ANO6: variants seen among roughly 807,000 people sequenced by gnomAD.
ANO6 encodes the protein anoctamin-6.
ANO6 carries 106 observed loss-of-function variants against 117.5 expected under a neutral mutation model. That is an observed-to-expected ratio of 0.90 (90% CI 0.77 to 1.06). The LOEUF (loss-of-function observed/expected upper bound fraction) is 1.06. Among genes scored for constraint, ANO6 ranks in the 50% least tolerant of loss-of-function variants. The probability of loss-of-function intolerance (pLI) is 0.00; values close to 1 mark genes in which losing one functional copy is unlikely to be tolerated. For synonymous variants in ANO6, 367 were observed against 385.1 expected (o/e 0.95, Z 0.55); for missense variants, 955 against 1,121.1 (o/e 0.85, Z 2.12).
At chr12:45,408,293 T>C (rs1421719725) in intron 15 of ANO6, among the ~76,000 whole-genome samples, 2 of 152,220 alleles carry the variant, frequency 1.3e-5, no homozygotes, top group East Asian at 1.9e-4. Flanking sequence ...GTTGTTGTTA[T>C]GCCTCTTCTG....
At chr12:45,354,865 G>T (rs1941370765) in intron 7 of ANO6, among the ~76,000 whole-genome samples, 1 of 152,214 alleles carries the variant, frequency 6.6e-6, no homozygotes, top group Non-Finnish European at 1.5e-5. Context: ...ATGTAACTAT[G>T]TCAGGATGGC....
chr12:45,409,229 T>C, intron 15 of ANO6, 128 bp from the exon 16 acceptor site: 1 of 1,254,014 alleles, frequency 8.0e-7, no homozygotes, highest in Non-Finnish European at 1.1e-6. Flanking sequence ...AAAAACAAAT[T>C]TAGCATGCAA....
At chr12:45,259,349 A>G (rs944724576) in intron 1 of ANO6, among the ~76,000 whole-genome samples, 7 of 152,242 alleles carry the variant, frequency 4.6e-5, no homozygotes, top group African/African-American at 1.7e-4. Context: ...TGTGCTTTTG[A>G]AAATTTTTCA....
At chr12:45,353,544 C>T (rs948686081) in intron 7 of ANO6, among the ~76,000 whole-genome samples, 30 of 151,958 alleles carry the variant, frequency 2.0e-4, no homozygotes, top group African/African-American at 7.0e-4. Context: ...ATTTACTATC[C>T]CCTGTCCCTG....
intron 1 of ANO6, among the ~76,000 whole-genome samples, chr12:45,243,662 G>A (rs1947779861): frequency 6.6e-6 from 1 of 152,028 alleles, no homozygotes; most frequent in South Asian, 2.1e-4. Flanking sequence ...TGATTCTCCT[G>A]CCTCAGCCTC....
chr12:45,313,251 A>G (rs1282472028), intron 2 of ANO6: 1 of 152,040 alleles, frequency 6.6e-6, no homozygotes, highest in Non-Finnish European at 1.5e-5. Flanking sequence ...GATGGACTCC[A>G]GGGAATTAGA....
chr12:45,436,596 C>T (rs1362160590), downstream of ANO6, among the ~76,000 whole-genome samples: 2 of 152,018 alleles, frequency 1.3e-5, no homozygotes, highest in African/African-American at 2.4e-5. Flanking sequence ...GAGAAATGGT[C>T]GTATTAAAAC....
intron 9 of ANO6, among the ~76,000 whole-genome samples, chr12:45,372,689 C>T (rs1050233490): frequency 2.8e-4 from 42 of 151,896 alleles, no homozygotes; most frequent in Non-Finnish European, 5.1e-4. Flanking sequence ...CCAGGCCTGC[C>T]CTAAAAGAGC....
intron 18 of ANO6, 93 bp downstream of exon 18, chr12:45,421,366 T>G: frequency 7.7e-7 from 1 of 1,293,852 alleles, no homozygotes; most frequent in Non-Finnish European, 1.1e-6. Flanking sequence ...TTTAAAATTT[T>G]TATTTCTTTA....
chr12:45,225,516 T>G (rs2137127343), intron 1 of ANO6, among the ~76,000 whole-genome samples: 2 of 150,474 alleles, frequency 1.3e-5, no homozygotes, highest in South Asian at 2.1e-4. Flanking sequence ...TGAGATGGAG[T>G]CTTACTCTTT....
intron 2 of ANO6, 136 bp downstream of exon 2, chr12:45,302,229 C>T (rs987688245): frequency 7.7e-6 from 6 of 780,832 alleles, no homozygotes; most frequent in African/African-American, 3.5e-5. Context: ...AGGGACTGTG[C>T]GTTCAGAGCT....
intron 2 of ANO6, among the ~76,000 whole-genome samples, chr12:45,312,822 G>A (rs1215973815): frequency 6.6e-6 from 1 of 151,950 alleles, no homozygotes; most frequent in Non-Finnish European, 1.5e-5. Flanking sequence ...TAATTGTAAT[G>A]GGCAAACCAA....
chr12:45,319,799 G>C (rs1940191550), intron 2 of ANO6, among the ~76,000 whole-genome samples: 1 of 152,154 alleles, frequency 6.6e-6, no homozygotes, highest in Non-Finnish European at 1.5e-5. Context: ...TTCAGATCCT[G>C]TTATTGATCT....
At chr12:45,365,021 A>G (rs1941649224) in intron 8 of ANO6, among the ~76,000 whole-genome samples, 1 of 152,104 alleles carries the variant, frequency 6.6e-6, no homozygotes, top group South Asian at 2.1e-4. Context: ...ATGTGTGACC[A>G]CTTAAGTCTG....
At chr12:45,228,120 GTTGTTTTTTTTTT>G in intron 1 of ANO6, 1 of 330,032 alleles carries the variant, frequency 3.0e-6, no homozygotes, top group South Asian at 2.1e-5. Flanking sequence ...GGCTTTTTGT[GTTGTTTTTTTTTT>G]TTTTTTTTTT....
rs1321808056 is a variant in ANO6 at position 45,430,579 on chromosome 12, T to TAA, written c.*1270_*1271dup. The TAA allele has an allele frequency of 1.0e-6, 1 of 985,274 alleles. No individual in the cohort carries two copies. Among genetic ancestry groups the TAA allele is most frequent in the African/African-American group, 1.7e-5 (1 of 57,204 alleles). 61.0% of individuals were successfully genotyped at this position (985,274 alleles called of 1,614,324 possible). ...TATACCCAGCTTATTCATAATCAAG[T>TAA]AAAGAGACTCAGATTAGATTTGATT... On this transcript the variant is annotated 3_prime_UTR_variant, in exon 20 of 20. Transcript: ENST00000320560.
chr12:45,220,090 G>T (rs777435869), intron 1 of ANO6, among the ~76,000 whole-genome samples: 83 of 152,238 alleles, frequency 5.5e-4, no homozygotes, highest in Non-Finnish European at 8.5e-4. Flanking sequence ...TAGCCAGAAT[G>T]CAGAAATCAG....
At chr12:45,235,083 T>C (rs571284531) in intron 1 of ANO6, among the ~76,000 whole-genome samples, 87 of 152,326 alleles carry the variant, frequency 5.7e-4, no homozygotes, top group African/African-American at 2.0e-3. Flanking sequence ...TCAGTCTCTT[T>C]AGTTCTTTGG....
At chr12:45,432,568 C>G (rs73283338), downstream of ANO6, among the ~76,000 whole-genome samples, 2,019 of 152,240 alleles carry the variant, frequency 0.013, 39 homozygotes, top group African/African-American at 0.047. Flanking sequence ...CAGCCCAAAT[C>G]CTATTCTTTT....
Sources: gnomAD v4.1 joint callset for allele counts (sites outside exome capture counted in the v4.1 genomes callset) on GRCh38, gnomAD v4.1.1 for gene constraint, MANE v1.5 for transcripts, NCBI Gene and HGNC (gene_info 2026-07-23, HGNC 2026-07-21) for gene names.